Variants in ZNF385D observed in about 807,000 individuals in gnomAD.
ZNF385D encodes zinc finger protein 385D.
ZNF385D carries 15 observed loss-of-function variants against 35.8 expected under a neutral mutation model. The ratio of observed to expected loss-of-function variants is 0.42; its 90% CI spans 0.28 to 0.64. ZNF385D has a LOEUF of 0.64. Ranked by LOEUF, ZNF385D falls within the 30% of genes least tolerant of loss-of-function variation. The probability of loss-of-function intolerance (pLI) is 0.23; values close to 1 mark genes in which losing one functional copy is unlikely to be tolerated. For synonymous variants in ZNF385D, 212 were observed against 186.8 expected, an observed-to-expected ratio of 1.13 and a Z score of -1.10; for missense variants, 474 against 494.6, an observed-to-expected ratio of 0.96 and a Z score of 0.39.
At chr3:21,806,234 G>A (rs1198743998) in intron 3 of ZNF385D, among the ~76,000 whole-genome samples, 1 of 150,736 alleles carries the variant, frequency 6.6e-6, no homozygotes, top group Non-Finnish European at 1.5e-5. Flanking sequence ...GAGGGGGCAG[G>A]GGGAGGTTAT....
intron 3 of ZNF385D, among the ~76,000 whole-genome samples, chr3:21,829,527 A>G (rs1347004999): frequency 6.6e-6 from 1 of 152,074 alleles, no homozygotes; most frequent in African/African-American, 2.4e-5. Flanking sequence ...CTTGAATTTT[A>G]TCCAAATTAG....
chr3:22,369,084 G>A (rs1436221701), intron 2 of ZNF385D, among the ~76,000 whole-genome samples: 1 of 152,046 alleles, frequency 6.6e-6, no homozygotes, highest in African/African-American at 2.4e-5. Flanking sequence ...TAGAGTCCTT[G>A]TCAGAAAACT....
At chr3:22,263,722 T>C (rs1700750607) in intron 2 of ZNF385D, among the ~76,000 whole-genome samples, 1 of 151,960 alleles carries the variant, frequency 6.6e-6, no homozygotes, top group African/African-American at 2.4e-5. Context: ...AAGCAGTGAT[T>C]CTCAACCAGG....
At chr3:21,910,929 G>A (rs1487350214) in intron 3 of ZNF385D, among the ~76,000 whole-genome samples, 1 of 151,834 alleles carries the variant, frequency 6.6e-6, no homozygotes, top group East Asian at 1.9e-4. Flanking sequence ...ATTAGTTGAA[G>A]TACAAAATAA....
At chr3:21,777,033 T>TA (rs1323156506) in intron 3 of ZNF385D, among the ~76,000 whole-genome samples, 2 of 151,974 alleles carry the variant, frequency 1.3e-5, no homozygotes, top group Non-Finnish European at 2.9e-5. Flanking sequence ...ACATGCTACT[T>TA]ACTTCCTCAG....
intron 3 of ZNF385D, among the ~76,000 whole-genome samples, chr3:22,021,086 G>C (rs1018916190): frequency 6.6e-6 from 1 of 151,900 alleles, no homozygotes; most frequent in Admixed American, 6.6e-5. Context: ...CATAGAGAGT[G>C]AAATGATAGG....
chr3:21,733,223 C>T (rs1471224750), intron 1 of ZNF385D, among the ~76,000 whole-genome samples: 2 of 152,048 alleles, frequency 1.3e-5, no homozygotes, highest in African/African-American at 2.4e-5. Flanking sequence ...TCTGAACTTT[C>T]TCTTCTGTTC....
intron 2 of ZNF385D, among the ~76,000 whole-genome samples, chr3:22,275,640 C>A (rs7618639): frequency 0.15 from 23,461 of 152,028 alleles, 3,458 homozygotes; most frequent in African/African-American, 0.39. Flanking sequence ...GAATATTTGG[C>A]ATTTGGAAAA....
chr3:22,032,661 C>T (rs1698073546), intron 3 of ZNF385D, among the ~76,000 whole-genome samples: 1 of 152,152 alleles, frequency 6.6e-6, no homozygotes, highest in Admixed American at 6.5e-5. Context: ...AAACTACACA[C>T]TGACAAGTAC....
intron 2 of ZNF385D, among the ~76,000 whole-genome samples, chr3:21,610,267 C>G (rs1478217168): frequency 6.6e-6 from 1 of 151,950 alleles, no homozygotes; most frequent in Non-Finnish European, 1.5e-5. Context: ...TATAAGAACA[C>G]GAATACAAAG....
chr3:22,136,364 G>A (rs933236054), intron 3 of ZNF385D, among the ~76,000 whole-genome samples: 1 of 149,992 alleles, frequency 6.7e-6, no homozygotes, highest in African/African-American at 2.5e-5. Flanking sequence ...TTTCCGCCTG[G>A]GCGACAAAGT....
chr3:21,801,844 T>C (rs2072420332), intron 3 of ZNF385D, among the ~76,000 whole-genome samples: 1 of 152,164 alleles, frequency 6.6e-6, no homozygotes, highest in African/African-American at 2.4e-5. Context: ...CAGTGATTAC[T>C]TACTCTCTGT....
At chr3:22,102,761 A>G (rs1429418933) in intron 3 of ZNF385D, among the ~76,000 whole-genome samples, 1 of 152,062 alleles carries the variant, frequency 6.6e-6, no homozygotes, top group Non-Finnish European at 1.5e-5. Context: ...AAGAAAACTC[A>G]TATTCCTTTC....
intron 3 of ZNF385D, among the ~76,000 whole-genome samples, chr3:22,040,092 C>T (rs1001184589): frequency 6.6e-6 from 1 of 152,172 alleles, no homozygotes; most frequent in African/African-American, 2.4e-5. Context: ...CCTAACTCTC[C>T]TCTTCTTGAG....
intron 3 of ZNF385D, among the ~76,000 whole-genome samples, chr3:21,546,325 G>T (rs2062370764): frequency 1.3e-5 from 2 of 151,930 alleles, no homozygotes; most frequent in African/African-American, 4.8e-5. Flanking sequence ...AATCCTATCC[G>T]GTGATGGAAT....
At chr3:22,036,475 G>C (rs908686882) in intron 3 of ZNF385D, among the ~76,000 whole-genome samples, 1 of 151,560 alleles carries the variant, frequency 6.6e-6, no homozygotes, top group Admixed American at 6.6e-5. Flanking sequence ...CACAAACCAA[G>C]GGGAAAGGAA....
intron 3 of ZNF385D, among the ~76,000 whole-genome samples, chr3:22,150,858 C>A (rs186966845): frequency 7.2e-5 from 11 of 151,940 alleles, no homozygotes; most frequent in Admixed American, 5.9e-4. Flanking sequence ...GGGTGGGTTC[C>A]TCAGGAGATT....
At chr3:21,714,016 C>G (rs1037851157) in intron 1 of ZNF385D, among the ~76,000 whole-genome samples, 2 of 152,184 alleles carry the variant, frequency 1.3e-5, no homozygotes, top group Non-Finnish European at 2.9e-5. Context: ...ATAATAACAC[C>G]CACGCACACA....
At chr3:21,694,585 T>C (rs73819956) in intron 1 of ZNF385D, among the ~76,000 whole-genome samples, 2,618 of 152,264 alleles carry the variant, frequency 0.017, 70 homozygotes, top group African/African-American at 0.059. Context: ...AGAAAGACAA[T>C]TCGGAAAACA....
Sources: allele counts gnomAD v4.1 joint callset (sites outside exome capture counted in the v4.1 genomes callset), GRCh38; gene constraint gnomAD v4.1.1; transcripts MANE v1.5; gene names NCBI Gene and HGNC (gene_info 2026-07-23, HGNC 2026-07-21).